Variants in RGS6 observed in about 807,000 individuals in gnomAD.
RGS6 encodes the protein regulator of G protein signaling 6.
A neutral mutation model predicts 78.5 loss-of-function variants in RGS6; 30 were observed. The ratio of observed to expected loss-of-function variants is 0.38; its 90% CI spans 0.29 to 0.52. RGS6 has a LOEUF of 0.52. Ranked by LOEUF, RGS6 falls within the 20% of genes least tolerant of loss-of-function variation. RGS6 has a pLI of 0.85. For missense variants in RGS6, 495 were observed against 609.7 expected (o/e 0.81, Z 1.98); for synonymous variants, 206 against 206.0 (o/e 1.00, Z 0.00).
chr14:71,965,295 ATAAC>A (rs1436095396), intron 2 of RGS6, among the ~76,000 whole-genome samples: 1 of 152,252 alleles, frequency 6.6e-6, no homozygotes, highest in Admixed American at 6.5e-5. Flanking sequence ...ATGTACACAA[ATAAC>A]TGTTATAGAG....
intron 3 of RGS6, among the ~76,000 whole-genome samples, chr14:72,401,831 G>A (rs565348985): frequency 7.2e-5 from 11 of 152,262 alleles, no homozygotes; most frequent in African/African-American, 2.2e-4. Flanking sequence ...GAGGTCAGCC[G>A]CCACCACAGC....
chr14:72,156,295 AATT>A (rs1461527935), intron 2 of RGS6, among the ~76,000 whole-genome samples: 1 of 152,010 alleles, frequency 6.6e-6, no homozygotes, highest in Non-Finnish European at 1.5e-5. Flanking sequence ...AGATACAAAA[AATT>A]AGCTGGGCGT....
chr14:72,356,071 T>A (rs2080212530), intron 3 of RGS6, among the ~76,000 whole-genome samples: 1 of 152,154 alleles, frequency 6.6e-6, no homozygotes, highest in Non-Finnish European at 1.5e-5. Flanking sequence ...CAGAATTCCC[T>A]GGGGGATTGA....
At chr14:72,186,705 C>CT (rs2097252811) in intron 2 of RGS6, among the ~76,000 whole-genome samples, 22 of 151,568 alleles carry the variant, frequency 1.5e-4, no homozygotes, top group African/African-American at 3.4e-4. Context: ...ACTTCATCTA[C>CT]ATTTTTTTTT....
intron 2 of RGS6, among the ~76,000 whole-genome samples, chr14:72,159,901 T>C (rs2096828896): frequency 6.6e-6 from 1 of 152,246 alleles, no homozygotes; most frequent in Non-Finnish European, 1.5e-5. Flanking sequence ...TTTGAAACTT[T>C]GCAAATATCT....
chr14:72,179,994 G>A (rs1296054995), intron 2 of RGS6, among the ~76,000 whole-genome samples: 1 of 152,202 alleles, frequency 6.6e-6, no homozygotes, highest in Non-Finnish European at 1.5e-5. Context: ...TGGGTCAGGT[G>A]CTTTCTGTGT....
At chr14:72,383,106 A>T (rs1048750277) in intron 3 of RGS6, among the ~76,000 whole-genome samples, 7 of 148,566 alleles carry the variant, frequency 4.7e-5, no homozygotes, top group Non-Finnish European at 7.4e-5. Flanking sequence ...GCATTTTGCA[A>T]TTAAAATTTT....
At chr14:72,050,783 G>C (rs1212561463) in intron 2 of RGS6, among the ~76,000 whole-genome samples, 1 of 152,180 alleles carries the variant, frequency 6.6e-6, no homozygotes, top group East Asian at 1.9e-4. Context: ...TTCCCAGGAT[G>C]CAAAGCCTGT....
At position 72,401,364 on chromosome 14, in the gene RGS6, A is replaced by G. The variant is rs146633012; in HGVS notation, c.184+49170A>G. Among the ~76,000 whole-genome samples the G allele has an allele frequency of 5.4e-4, 82 of 152,140 alleles. No individual in the cohort carries two copies. In the East Asian group the frequency reaches 0.015, roughly 27 times the overall value. On this transcript the variant is annotated intron_variant, in intron 3 of 17. Transcript: ENST00000553525. ...CCTGAAAAGCTTCAAAGCAGAGAGG[A>G]GAATCTTTGTCAGTTAGCTGGGTGA...
chr14:72,123,954 A>T (rs2096123119), intron 2 of RGS6, among the ~76,000 whole-genome samples: 1 of 152,194 alleles, frequency 6.6e-6, no homozygotes, highest in Non-Finnish European at 1.5e-5. Context: ...GATGACTTTC[A>T]GTAATGACCT....
chr14:72,440,264 C>T (rs761875416), intron 3 of RGS6, among the ~76,000 whole-genome samples: 1 of 152,138 alleles, frequency 6.6e-6, no homozygotes, highest in Non-Finnish European at 1.5e-5. Flanking sequence ...GCAGTTTGCT[C>T]AGGGGATTTA....
Position 72,016,661 on chromosome 14 carries a change from G to A in RGS6, c.84+51786G>A, listed in dbSNP as rs571518051. On this transcript the variant is annotated intron_variant, in intron 2 of 17. Coordinates refer to ENST00000553525, the MANE Select transcript of RGS6 (RefSeq NM_001204424.2). ...ATTACAGGCGTGAGCCACCGCGCCCGACTGTTCTTTGTTAATGGTGTGTTT... is the reference window on the plus strand; with the variant it reads ...ATTACAGGCGTGAGCCACCGCGCCCAACTGTTCTTTGTTAATGGTGTGTTT... 2.8e-3 allele frequency among the ~76,000 whole-genome samples: 421 copies of A among 152,306 alleles called. 2 individuals carry two copies. Among genetic ancestry groups the A allele is most frequent in the African/African-American group, 9.5e-3 (396 of 41,580 alleles).
intron 2 of RGS6, among the ~76,000 whole-genome samples, chr14:72,316,172 T>C (rs1483850277): frequency 1.3e-5 from 2 of 152,240 alleles, no homozygotes; most frequent in Non-Finnish European, 2.9e-5. Context: ...ATGGTTAAGA[T>C]TGTTGAAACA....
intron 2 of RGS6, among the ~76,000 whole-genome samples, chr14:72,234,563 C>G (rs1056575172): frequency 1.3e-5 from 2 of 152,094 alleles, no homozygotes; most frequent in African/African-American, 2.4e-5. Flanking sequence ...GGATAGGACA[C>G]CTTACTGACA....
At chr14:72,587,067 C>A in the RGS6 span, among the ~76,000 whole-genome samples, 3 of 152,152 alleles carry the variant, frequency 2.0e-5, no homozygotes, top group African/African-American at 7.2e-5. Flanking sequence ...GCCATAACAG[C>A]CTTTTGTCTC....
At chr14:71,995,886 A>C (rs2095180500) in intron 2 of RGS6, among the ~76,000 whole-genome samples, 1 of 152,142 alleles carries the variant, frequency 6.6e-6, no homozygotes, top group African/African-American at 2.4e-5. Flanking sequence ...GAGTTTGGAC[A>C]AAGCTCCCGG....
chr14:71,905,288 G>T, the RGS6 span, among the ~76,000 whole-genome samples: 2 of 152,144 alleles, frequency 1.3e-5, no homozygotes, highest in Non-Finnish European at 2.9e-5. Context: ...CCAGATGAAC[G>T]ACCTTAAACC....
At chr14:71,942,498 A>C (rs1480965243) in intron 1 of RGS6, among the ~76,000 whole-genome samples, 3 of 152,146 alleles carry the variant, frequency 2.0e-5, no homozygotes, top group Non-Finnish European at 2.9e-5. Flanking sequence ...ATTCTATAAG[A>C]TAGGTCCCAA....
At chr14:71,954,318 A>G (rs1395495964) in intron 1 of RGS6, among the ~76,000 whole-genome samples, 5 of 150,498 alleles carry the variant, frequency 3.3e-5, no homozygotes, top group African/African-American at 9.8e-5. Context: ...ACAGCTTTTT[A>G]TATTGTTCTA....
Sources: gnomAD v4.1 joint callset for allele counts (sites outside exome capture counted in the v4.1 genomes callset) on GRCh38, gnomAD v4.1.1 for gene constraint, MANE v1.5 for transcripts, NCBI Gene and HGNC (gene_info 2026-07-23, HGNC 2026-07-21) for gene names.